RBPJ: variants seen among roughly 807,000 people sequenced by gnomAD.
RBPJ encodes the protein recombining binding protein suppressor of hairless.
RBPJ carries 9 observed loss-of-function variants against 67.8 expected under a neutral mutation model. The ratio of observed to expected loss-of-function variants is 0.13; its 90% confidence interval spans 0.08 to 0.23. RBPJ has a LOEUF of 0.23. Among genes scored for constraint, RBPJ ranks in the 10% least tolerant of loss-of-function variants. The pLI is 1.00. For synonymous variants in RBPJ, 198 were observed against 203.3 expected, an observed-to-expected ratio of 0.97 and a Z score of 0.22; for missense variants, 305 against 595.6, an observed-to-expected ratio of 0.51 and a Z score of 5.08.
At chr4:26,121,789 TCTTC>T in the RBPJ span, among the ~76,000 whole-genome samples, 12 of 151,578 alleles carry the variant, frequency 7.9e-5, no homozygotes, top group African/African-American at 2.9e-4. Flanking sequence ...TGCACATTAA[TCTTC>T]AAATAAATGT....
At chr4:26,145,849 C>A in the RBPJ span, among the ~76,000 whole-genome samples, 7 of 152,198 alleles carry the variant, frequency 4.6e-5, no homozygotes, top group South Asian at 4.1e-4. Flanking sequence ...ACAAATGATA[C>A]CAAAGAAAAT....
In RBPJ at chr4:26,251,461, C is replaced by A. The variant is rs575150744; in HGVS notation, c.-167+87847C>A. On this transcript the variant is annotated intron_variant, in intron 1 of 4. Transcript: ENST00000512351. ...GACCAGCCTGGCCAACATGGTGAAA[C>A]CCTGTGTCTACTAAAATTACAAAAA... is the stretch of plus-strand genomic sequence containing the variant. Among the ~76,000 whole-genome samples, 58 of 152,016 alleles carry A rather than the reference C, an allele frequency of 3.8e-4. No individual in the cohort carries two copies. The South Asian group carries it at 4.0e-3, about 10-fold the overall frequency.
chr4:26,295,321 G>A lies in RBPJ; in HGVS notation c.-166-67125G>A, dbSNP rs543511617. Among the ~76,000 whole-genome samples the A allele has an allele frequency of 3.3e-5, 5 of 151,910 alleles. No homozygotes were observed. The South Asian group carries it at 6.2e-4, about 19-fold the overall frequency. ...GTGGGTCTTCCACACATGCACATACGTGTGAGGGAGAAAGATGCTTCTTCC... is the reference window on the plus strand; with the variant it reads ...GTGGGTCTTCCACACATGCACATACATGTGAGGGAGAAAGATGCTTCTTCC... On this transcript the variant is annotated intron_variant, in intron 1 of 4. Coordinates refer to the RBPJ transcript ENST00000512351.
At chr4:26,419,284 T>G (rs765251931) in intron 4 of RBPJ, among the ~76,000 whole-genome samples, 4 of 152,210 alleles carry the variant, frequency 2.6e-5, no homozygotes, top group Non-Finnish European at 5.9e-5. Context: ...GGCCTGTTTT[T>G]ATTTATTACT....
At chr4:26,221,932 C>T (rs1718922089) in intron 1 of RBPJ, among the ~76,000 whole-genome samples, 1 of 152,150 alleles carries the variant, frequency 6.6e-6, no homozygotes. Context: ...CAGAGACTGG[C>T]AGGGCGGTGA....
At chr4:26,373,038 G>A (rs1176446694) in intron 1 of RBPJ, among the ~76,000 whole-genome samples, 2 of 152,102 alleles carry the variant, frequency 1.3e-5, no homozygotes, top group African/African-American at 4.8e-5. Flanking sequence ...CTTCAAAGTG[G>A]TTTTCATTTT....
intron 1 of RBPJ, among the ~76,000 whole-genome samples, chr4:26,299,241 C>G (rs1374893963): frequency 6.6e-6 from 1 of 152,158 alleles, no homozygotes; most frequent in Non-Finnish European, 1.5e-5. Flanking sequence ...TTTTATCCCT[C>G]AGTTAATTTT....
intron 1 of RBPJ, among the ~76,000 whole-genome samples, chr4:26,369,251 A>G (rs1389624989): frequency 6.6e-6 from 1 of 152,228 alleles, no homozygotes; most frequent in Non-Finnish European, 1.5e-5. Context: ...AATGATTTCA[A>G]TTTCTAGAAA....
chr4:26,164,298 C>A lies in RBPJ; in HGVS notation c.-167+684C>A, dbSNP rs370662988. On this transcript the variant is annotated intron_variant, in intron 1 of 4. Coordinates refer to the RBPJ transcript ENST00000512351. ...ACACTATTTATTCACTTATACATTA[C>A]ATATACATTACAATAGTATGTATAC... 1.4e-4 allele frequency among the ~76,000 whole-genome samples: 21 copies of A among 152,358 alleles called. 1 individual carries two copies. The East Asian group carries it at 3.7e-3, about 27-fold the overall frequency.
chr4:26,251,357 AG>A (rs1720102454), intron 1 of RBPJ, among the ~76,000 whole-genome samples: 1 of 151,916 alleles, frequency 6.6e-6, no homozygotes, highest in Non-Finnish European at 1.5e-5. Context: ...GACTCCAGGC[AG>A]GGTGCAGTGG....
chr4:26,376,312 G>A (rs1729723715), intron 1 of RBPJ, among the ~76,000 whole-genome samples: 1 of 152,072 alleles, frequency 6.6e-6, no homozygotes, highest in Non-Finnish European at 1.5e-5. Flanking sequence ...GTCCCTGGTA[G>A]CCACCAATTT....
the RBPJ span, among the ~76,000 whole-genome samples, chr4:26,125,922 T>A: frequency 6.6e-6 from 1 of 152,138 alleles, no homozygotes; most frequent in East Asian, 1.9e-4. Flanking sequence ...TAACAGCTCC[T>A]CCACATGCTC....
rs773543464 is a variant in RBPJ at position 26,430,739 on chromosome 4, G to A, written c.1196G>A (p.Arg399Gln). The A allele has an allele frequency of 1.2e-6, 2 of 1,614,022 alleles. No homozygotes were observed. The highest frequency in any genetic ancestry group is 8.5e-7 in the Non-Finnish European group (1 of 1,179,998). ...GTCGTCCCAGACATTTCTGCATTCC[G>A]AGAAGGTTGGAGATGGGTCCGGCAA... ...LCVVPDISAFREGWRWVRQPV... is the reference protein window; with the variant it reads ...LCVVPDISAFQEGWRWVRQPV... The change falls in exon 11 of 11, where the codon CGA (arginine) becomes CAA (glutamine). Residue 399 changes from arginine (R) to glutamine (Q), a missense_variant. Coordinates refer to ENST00000355476, the MANE Select transcript of RBPJ (RefSeq NM_015874.6). The surrounding 1 kb of genome is among the most constrained non-coding windows in gnomAD (Gnocchi z 4.1).
intron 1 of RBPJ, among the ~76,000 whole-genome samples, chr4:26,312,281 G>A (rs561713141): frequency 7.2e-5 from 11 of 152,068 alleles, no homozygotes; most frequent in African/African-American, 2.2e-4. Flanking sequence ...GCAGGCACCC[G>A]CCACCACGCC....
the RBPJ span, among the ~76,000 whole-genome samples, chr4:26,151,645 T>C: frequency 1.0e-3 from 159 of 152,342 alleles, no homozygotes; most frequent in Non-Finnish European, 1.8e-3. Flanking sequence ...CAAAGGAGTT[T>C]GTCTGAGGTC....
At chr4:26,367,500 T>A (rs1473063735) in intron 1 of RBPJ, among the ~76,000 whole-genome samples, 1 of 152,188 alleles carries the variant, frequency 6.6e-6, no homozygotes, top group Non-Finnish European at 1.5e-5. Context: ...CCTCTCAGTT[T>A]CACTTTTTAT....
At chr4:26,218,019 A>T (rs556396328) in intron 1 of RBPJ, among the ~76,000 whole-genome samples, 1 of 152,362 alleles carries the variant, frequency 6.6e-6, no homozygotes, top group South Asian at 2.1e-4. Context: ...AAAATGCAGC[A>T]GGACCGTCTT....
the RBPJ span, among the ~76,000 whole-genome samples, chr4:26,130,906 T>C: frequency 6.6e-6 from 1 of 151,886 alleles, no homozygotes; most frequent in African/African-American, 2.4e-5. Flanking sequence ...GTTAATTTAA[T>C]GTGGCAGATG....
chr4:26,206,985 C>G (rs770428775), intron 1 of RBPJ, among the ~76,000 whole-genome samples: 1 of 152,078 alleles, frequency 6.6e-6, no homozygotes, highest in Non-Finnish European at 1.5e-5. Context: ...CTTTTCTGCT[C>G]CAGGGCTGCC....
Sources: allele counts gnomAD v4.1 joint callset (sites outside exome capture counted in the v4.1 genomes callset), GRCh38; gene constraint gnomAD v4.1.1; non-coding constraint Gnocchi (gnomAD v3.1); transcripts MANE v1.5; gene names NCBI Gene and HGNC (gene_info 2026-07-23, HGNC 2026-07-21).